CAND2: variants seen among roughly 807,000 people sequenced by gnomAD.
CAND2 encodes the protein cullin-associated NEDD8-dissociated protein 2.
Under a neutral mutation model 98.9 loss-of-function variants are expected in CAND2, and 62 were observed. The ratio of observed to expected loss-of-function variants is 0.63; its 90% CI spans 0.51 to 0.77. CAND2 has a LOEUF of 0.77. Ranked by LOEUF, CAND2 falls within the 30% of genes least tolerant of loss-of-function variation. The probability of loss-of-function intolerance (pLI) is 0.00; values close to 1 mark genes in which losing one functional copy is unlikely to be tolerated. For synonymous variants in CAND2, 770 were observed against 731.9 expected, an observed-to-expected ratio of 1.05 and a Z score of -0.84; for missense variants, 1,501 against 1,655.2, an observed-to-expected ratio of 0.91 and a Z score of 1.62.
At chr3:12,801,378 G>A (rs944961494) in intron 1 of CAND2, among the ~76,000 whole-genome samples, 1 of 152,212 alleles carries the variant, frequency 6.6e-6, no homozygotes, top group African/African-American at 2.4e-5. Flanking sequence ...ATGTTCAAAT[G>A]TTGACAAGTA....
rs1178086793 is a variant in CAND2, at chr3:12,815,189, G to T, written c.1055G>T (p.Arg352Leu). The T allele has an allele frequency of 1.2e-6, 2 of 1,613,602 alleles. No individual in the cohort carries two copies. The highest frequency in any genetic ancestry group is 1.1e-5 in the South Asian group (1 of 91,062). ...SDDDDMSWKV[R>L]RAAAKCIAAL... ...GACGATGACATGAGCTGGAAGGTGC[G>T]CCGGGCAGCTGCCAAGTGCATCGCA... The change falls in exon 8 of 15, where the codon CGC (arginine) becomes CTC (leucine). Residue 352 changes from arginine to leucine, a missense_variant. Around this residue, in one of 3 missense-constraint regions of CAND2, gnomAD observed 1,427 missense variants for 1,545.3 expected, o/e 0.92. Coordinates refer to ENST00000456430, the MANE Select transcript of CAND2 (RefSeq NM_001162499.2). This position sits in a 1 kb window ranked among gnomAD's most constrained non-coding sequence, Gnocchi z 5.7.
chr3:12,825,700 C>G, intron 12 of CAND2, 61 bp downstream of exon 12: 1 of 1,444,584 alleles, frequency 6.9e-7, no homozygotes, highest in South Asian at 1.2e-5. Context: ...TCATGCCTCA[C>G]TGTTAGGGCA....
Position 12,831,517 on chromosome 3 carries a change from T to G in CAND2, c.3428T>G (p.Val1143Gly). Residue 1143 changes from valine (V) to glycine (G), a missense_variant, in exon 14 of 15, where the codon GTC (valine) becomes GGC (glycine). Transcript: ENST00000456430. ...CTGGCCACCCTGTGTCCTGCACCTG[T>G]CCTGCAGAGGGTGGACCGACTCATT... ...ARLATLCPAP[V>G]LQRVDRLIEP... 6.2e-7 allele frequency: 1 copy of G among 1,614,050 alleles called. No homozygotes were observed.
Position 12,834,702 on chromosome 3 carries a change from C to T in CAND2, c.*720C>T, listed in dbSNP as rs929353146. The T allele has an allele frequency of 6.6e-6, 1 of 152,364 alleles. No homozygotes were observed. Among genetic ancestry groups the T allele is most frequent in the African/African-American group, 2.4e-5 (1 of 41,464 alleles). The allele number at this position is 152,364 out of a possible 1,614,324, so 9.4% of individuals were successfully genotyped here. A position where few individuals can be genotyped will look rare whatever the true frequency, so the allele number is the denominator to read the frequency against. On this transcript the variant is annotated 3_prime_UTR_variant, in exon 15 of 15. Transcript: ENST00000456430. ...GTTTGTTTCCTTCTGAGGAAGGTTT[C>T]AAATGTGTCTAGTGTTCAGTATTGA...
Position 12,817,136 on chromosome 3 carries a change from C to G in CAND2, c.2204C>G (p.Pro735Arg). Residue 735 changes from proline to arginine, a missense_variant, in exon 10 of 15, where the codon CCT becomes CGT. Physicochemically the swap from Pro to Arg is moderately radical, Grantham distance 103 (BLOSUM62 -2). Around this residue, in one of 3 missense-constraint regions of CAND2, gnomAD observed 1,427 missense variants for 1,545.3 expected, o/e 0.92. Transcript: ENST00000456430. Reference sequence around the variant, plus strand: ...GCCTCTTTGGTGGAGGTCAGTGGCCCTGTGCTCTCAGAGCTGCTGCGGCTG... The same window carrying G: ...GCCTCTTTGGTGGAGGTCAGTGGCCGTGTGCTCTCAGAGCTGCTGCGGCTG... The part of the protein sequence containing the change: ...QPASLVEVSG[P>R]VLSELLRLLR... 6.2e-7 allele frequency: 1 copy of G among 1,613,116 alleles called. No individual in the cohort carries two copies. Among genetic ancestry groups the G allele is most frequent in the Non-Finnish European group, 8.5e-7 (1 of 1,180,004 alleles).
rs1237689858 is a variant in CAND2, at chr3:12,833,830, G to A, written c.3559G>A (p.Ala1187Thr). ...GCGCTCTGCAATGAGGGCAGTGGCTGCCCTGCTGACCATCCCCGAGGTGGG... is the reference window on the plus strand; with the variant it reads ...GCGCTCTGCAATGAGGGCAGTGGCTACCCTGCTGACCATCCCCGAGGTGGG... The part of the protein sequence containing the change: ...LKRSAMRAVA[A>T]LLTIPEVGKS... The change falls in exon 15 of 15, where the codon GCC becomes ACC. Residue 1187 changes from alanine to threonine, a missense_variant. This residue lies in a region of CAND2 where 1,427 missense variants were observed against 1,545.3 expected (regional missense o/e 0.92). Transcript: ENST00000456430. The A allele has an allele frequency of 6.2e-7, 1 of 1,614,214 alleles. No individual in the cohort carries two copies. Among genetic ancestry groups the A allele is most frequent in the East Asian group, 2.2e-5 (1 of 44,894 alleles).
rs188658460 is a variant in CAND2 at position 12,817,763 on chromosome 3, G to T, written c.2831G>T (p.Arg944Leu). The change falls in exon 10 of 15, where the codon CGC becomes CTC. Residue 944 changes from arginine to leucine, a missense_variant. By Grantham distance (102) the Arg-to-Leu change is moderately radical (BLOSUM62 -2). Around this residue, in one of 3 missense-constraint regions of CAND2, gnomAD observed 1,427 missense variants for 1,545.3 expected, o/e 0.92. Coordinates refer to ENST00000456430, the MANE Select transcript of CAND2 (RefSeq NM_001162499.2). The part of the protein sequence containing the change: ...AEDIWALLFQ[R>L]CEGAEEGTRG... ...GACATCTGGGCCTTGCTGTTCCAGC[G>T]CTGCGAGGGTGCTGAGGAGGGCACC... is the stretch of plus-strand genomic sequence containing the variant. 7.1e-5 allele frequency: 111 copies of T among 1,561,018 alleles called. No individual in the cohort carries two copies. The African/African-American group carries it at 1.4e-3, about 20-fold the overall frequency.
intron 13 of CAND2, among the ~76,000 whole-genome samples, chr3:12,827,974 C>A (rs532239473): frequency 5.3e-5 from 8 of 151,280 alleles, no homozygotes; most frequent in South Asian, 2.1e-4. Context: ...CAAAGCGAGA[C>A]CCTGTCTCAA....
At chr3:12,828,582 T>G (rs561922804) in intron 13 of CAND2, among the ~76,000 whole-genome samples, 1 of 152,260 alleles carries the variant, frequency 6.6e-6, no homozygotes, top group East Asian at 1.9e-4. Context: ...CCTCAAGTAA[T>G]CTGCCTGCCC....
At chr3:12,808,469 A>G in intron 4 of CAND2, 136 bp downstream of exon 4, 1 of 994,700 alleles carries the variant, frequency 1.0e-6, no homozygotes, top group Non-Finnish European at 1.5e-6. Context: ...AGCCTCGTAA[A>G]GGAGAACTCA....
Position 12,816,789 on chromosome 3 carries a change from C to G in CAND2, c.1857C>G (p.Asp619Glu), listed in dbSNP as rs1271467303. 18 of 1,613,632 alleles carry G rather than the reference C, an allele frequency of 1.1e-5. No individual in the cohort carries two copies. The highest frequency in any genetic ancestry group is 1.5e-5 in the Non-Finnish European group (18 of 1,180,048). Residue 619 changes from aspartate (D) to glutamate (E), a missense_variant, in exon 10 of 15, where the codon GAC (aspartate) becomes GAG (glutamate). Physicochemically the swap from Asp to Glu is conservative, Grantham distance 45. Coordinates refer to ENST00000456430, the MANE Select transcript of CAND2 (RefSeq NM_001162499.2). ...AGCCCACGTTACTGCTCCTCCTGGA[C>G]CGCCTGCGGAATGAGATCACCCGGC... ...DLEPTLLLLL[D>E]RLRNEITRLP...
At position 12,816,778 on chromosome 3, in the gene CAND2, C is replaced by G; in HGVS notation, c.1846C>G (p.Leu616Val). 6.2e-7 allele frequency: 1 copy of G among 1,613,602 alleles called. No homozygotes were observed. Among genetic ancestry groups the G allele is most frequent in the Non-Finnish European group, 8.5e-7 (1 of 1,180,050 alleles). The change falls in exon 10 of 15, where the codon CTC becomes GTC. Residue 616 changes from leucine (L) to valine (V), a missense_variant. Leu to Val is a conservative substitution (Grantham distance 32). Transcript: ENST00000456430. ...LGDDLEPTLL[L>V]LLDRLRNEIT... ...GGATGACCTGGAGCCCACGTTACTG[C>G]TCCTCCTGGACCGCCTGCGGAATGA...
At chr3:12,802,548 A>T (rs2061773602) in intron 1 of CAND2, among the ~76,000 whole-genome samples, 1 of 152,204 alleles carries the variant, frequency 6.6e-6, no homozygotes, top group South Asian at 2.1e-4. Flanking sequence ...TCACACTCAT[A>T]AATGGCTGAG....
intron 2 of CAND2, among the ~76,000 whole-genome samples, chr3:12,805,582 C>G (rs2061800732): frequency 6.6e-6 from 1 of 152,140 alleles, no homozygotes; most frequent in South Asian, 2.1e-4. Flanking sequence ...GCCACCACAC[C>G]CAGCCAGGAT....
At chr3:12,811,664 C>T (rs1216600211) in intron 5 of CAND2, among the ~76,000 whole-genome samples, 1 of 152,126 alleles carries the variant, frequency 6.6e-6, no homozygotes, top group African/African-American at 2.4e-5. Context: ...CTCCGCCTCC[C>T]GGATTCAAGT....
intron 1 of CAND2, among the ~76,000 whole-genome samples, chr3:12,797,344 G>A (rs115905641): frequency 0.03 from 4,540 of 151,416 alleles, 224 homozygotes; most frequent in African/African-American, 0.1. Context: ...AACATCACCC[G>A]GACCCCTCCC....
intron 10 of CAND2, among the ~76,000 whole-genome samples, chr3:12,819,853 C>G (rs2061942020): frequency 6.6e-6 from 1 of 152,172 alleles, no homozygotes. Context: ...CTGTTTGCAG[C>G]CTGTGGTGTT....
At chr3:12,808,413 T>G in intron 4 of CAND2, 80 bp downstream of exon 4, 1 of 1,455,876 alleles carries the variant, frequency 6.9e-7, no homozygotes, top group Non-Finnish European at 9.4e-7. Flanking sequence ...AGCTAGCACC[T>G]ACTGCACACC....
At chr3:12,830,153 C>T (rs556913079) in intron 13 of CAND2, among the ~76,000 whole-genome samples, 5 of 152,180 alleles carry the variant, frequency 3.3e-5, no homozygotes, top group African/African-American at 1.2e-4. Context: ...CTGTCTCCCC[C>T]TCGGCTTTAT....
Sources: allele counts gnomAD v4.1 joint callset (sites outside exome capture counted in the v4.1 genomes callset), GRCh38; gene constraint gnomAD v4.1.1; regional missense constraint gnomAD v4.1.1; non-coding constraint Gnocchi (gnomAD v3.1); transcripts MANE v1.5; gene names NCBI Gene and HGNC (gene_info 2026-07-23, HGNC 2026-07-21).